The following FILIP1 variants were observed in gnomAD, a reference collection of about 807,000 sequenced individuals.
FILIP1 encodes the protein filamin-A-interacting protein 1.
A neutral mutation model predicts 102.1 loss-of-function variants in FILIP1; 61 were observed. That is an observed-to-expected ratio of 0.60 (90% CI 0.49 to 0.74). FILIP1 has a LOEUF of 0.74. FILIP1 is among the 30% of genes least tolerant of loss of function. FILIP1 has a pLI of 0.00. For synonymous variants in FILIP1, 491 were observed against 526.9 expected, an observed-to-expected ratio of 0.93 and a Z score of 0.93; for missense variants, 1,314 against 1,441.2, an observed-to-expected ratio of 0.91 and a Z score of 1.43.
chr6:75,328,672 A>G (rs1184242508), intron 4 of FILIP1, among the ~76,000 whole-genome samples: 1 of 152,146 alleles, frequency 6.6e-6, no homozygotes, highest in African/African-American at 2.4e-5. Context: ...TATTTTTAGT[A>G]GAGATGGGGT....
chr6:75,443,313 T>C (rs900875246), intron 1 of FILIP1, among the ~76,000 whole-genome samples: 1 of 152,204 alleles, frequency 6.6e-6, no homozygotes, highest in East Asian at 1.9e-4. Context: ...GCCAAAAGCA[T>C]TAGCATTACA....
chr6:75,300,868 G>A (rs1252797984), intron 6 of FILIP1, among the ~76,000 whole-genome samples: 1 of 152,122 alleles, frequency 6.6e-6, no homozygotes, highest in Non-Finnish European at 1.5e-5. Context: ...TACCTCCCCA[G>A]GATGCAGAAG....
intron 2 of FILIP1, among the ~76,000 whole-genome samples, chr6:75,389,399 G>A (rs776094816): frequency 3.3e-5 from 5 of 152,124 alleles, no homozygotes; most frequent in East Asian, 1.9e-4. Context: ...AATGAGTTAC[G>A]AAGGAGTCCC....
intron 1 of FILIP1, among the ~76,000 whole-genome samples, chr6:75,449,841 A>G (rs141109295): frequency 6.6e-6 from 1 of 152,246 alleles, no homozygotes; most frequent in Admixed American, 6.5e-5. Flanking sequence ...AATTGCACTC[A>G]GAGTAATATG....
Position 75,368,482 on chromosome 6 carries a change from G to C in FILIP1, c.277-5565C>G, listed in dbSNP as rs536681151. ...AATAACTGCATCCTCGGGAATTCAA[G>C]TCTGGAGAGATATAAACAAACAATT... On this transcript the variant is annotated intron_variant, in intron 2 of 5. Transcript: ENST00000237172. 2.0e-5 allele frequency among the ~76,000 whole-genome samples: 3 copies of C among 152,312 alleles called. No individual in the cohort carries two copies. In the South Asian group the frequency reaches 6.2e-4, roughly 32 times the overall value.
chr6:75,346,511 T>C (rs1447869912), intron 4 of FILIP1, among the ~76,000 whole-genome samples: 1 of 152,166 alleles, frequency 6.6e-6, no homozygotes, highest in Admixed American at 6.5e-5. Flanking sequence ...CTCCTTCATA[T>C]TTAATCCAGA....
In FILIP1 at chr6:75,314,137, T is replaced by C. The variant is rs1487534102; in HGVS notation, c.1695A>G (p.Val565=). 6.6e-7 allele frequency: 1 copy of C among 1,523,890 alleles called. No individual in the cohort carries two copies. Among genetic ancestry groups the C allele is most frequent in the East Asian group, 2.4e-5 (1 of 42,552 alleles). 94.4% of individuals were successfully genotyped at this position (1,523,890 alleles called of 1,614,324 possible). A position where few individuals can be genotyped will look rare whatever the true frequency, so the allele number is the denominator to read the frequency against. ...LKLKSEMEEK[V]YNLTRERDEL... is the part of the protein sequence containing the mutation. ...CATCTCTTTCTCTTGTCAAGTTGTA[T>C]ACTTTTTCCTCCATTTCAGATTTTA... Residue 565 remains valine, a synonymous_variant, in exon 5 of 6, where the codon GTA becomes GTG. Coordinates refer to ENST00000237172, the MANE Select transcript of FILIP1 (RefSeq NM_015687.5).
intron 4 of FILIP1, among the ~76,000 whole-genome samples, chr6:75,340,450 T>G (rs987877342): frequency 4.6e-5 from 7 of 152,194 alleles, no homozygotes; most frequent in African/African-American, 1.7e-4. Flanking sequence ...ATGATAATGG[T>G]CATTACTAAG....
intron 4 of FILIP1, among the ~76,000 whole-genome samples, chr6:75,323,131 C>T (rs141970452): frequency 4.6e-5 from 7 of 152,138 alleles, no homozygotes; most frequent in African/African-American, 1.7e-4. Context: ...ATTTAGAAAA[C>T]TCTTTATTAA....
intron 3 of FILIP1, among the ~76,000 whole-genome samples, chr6:75,355,052 T>C (rs975178600): frequency 6.6e-6 from 1 of 152,156 alleles, no homozygotes; most frequent in Admixed American, 6.5e-5. Flanking sequence ...CTCAGCACTT[T>C]GAGAGGCGGA....
chr6:75,303,468 C>A (rs558023975), downstream of FILIP1, among the ~76,000 whole-genome samples: 5 of 152,280 alleles, frequency 3.3e-5, no homozygotes, highest in East Asian at 9.7e-4. Context: ...AGCAGCAAAG[C>A]AGATTAGATA....
chr6:75,439,306 C>A lies in FILIP1; in HGVS notation c.-6-24328G>T, dbSNP rs952892079. Among the ~76,000 whole-genome samples, 30 of 151,730 alleles carry A rather than the reference C, an allele frequency of 2.0e-4. 1 individual carries two copies. The highest frequency in any genetic ancestry group is 4.4e-5 in the Non-Finnish European group (3 of 67,978). On this transcript the variant is annotated intron_variant, in intron 1 of 5. Transcript: ENST00000237172. ...ACTTGAACCCAGAAGGCAGAGGTTG[C>A]GGTGAGCCGAGATCACGCCACTGCA...
At chr6:75,319,292 A>C (rs1773556576) in intron 4 of FILIP1, 4 of 666,544 alleles carry the variant, frequency 6.0e-6, no homozygotes, top group Non-Finnish European at 1.1e-5. Flanking sequence ...TTCTTCCAGC[A>C]TCACCAATGG....
At chr6:75,308,995 G>C (rs1582314745) in intron 5 of FILIP1, 98 bp from the exon 6 acceptor site, 2 of 1,304,820 alleles carry the variant, frequency 1.5e-6, no homozygotes, top group Non-Finnish European at 2.1e-6. Context: ...TGCCACACAG[G>C]AACACCCACA....
At chr6:75,451,157 T>A (rs888267595) in intron 1 of FILIP1, among the ~76,000 whole-genome samples, 1 of 151,594 alleles carries the variant, frequency 6.6e-6, no homozygotes, top group Non-Finnish European at 1.5e-5. Flanking sequence ...ACTGCTTTGA[T>A]ATGTTGATCT....
chr6:75,443,048 T>C (rs887735675), intron 1 of FILIP1, among the ~76,000 whole-genome samples: 1 of 152,236 alleles, frequency 6.6e-6, no homozygotes, highest in African/African-American at 2.4e-5. Flanking sequence ...TTCTTAATTG[T>C]TTGGGGAAAT....
intron 4 of FILIP1, among the ~76,000 whole-genome samples, chr6:75,352,740 C>A (rs1480673460): frequency 6.6e-6 from 1 of 151,732 alleles, no homozygotes; most frequent in Non-Finnish European, 1.5e-5. Context: ...TAATAATTTG[C>A]CTTCCTGAAA....
At chr6:75,309,255 A>C (rs1182303381) in intron 5 of FILIP1, among the ~76,000 whole-genome samples, 1 of 151,650 alleles carries the variant, frequency 6.6e-6, no homozygotes, top group East Asian at 1.9e-4. Context: ...TTAACTCTAC[A>C]CTCCCTCCTT....
At chr6:75,387,203 C>CT (rs1189076832) in intron 2 of FILIP1, among the ~76,000 whole-genome samples, 2 of 152,098 alleles carry the variant, frequency 1.3e-5, no homozygotes, top group Non-Finnish European at 2.9e-5. Flanking sequence ...TGAACCCATT[C>CT]TTTTTTATGG....
Sources: gnomAD v4.1 joint callset for allele counts (sites outside exome capture counted in the v4.1 genomes callset) on GRCh38, gnomAD v4.1.1 for gene constraint, MANE v1.5 for transcripts, NCBI Gene and HGNC (gene_info 2026-07-23, HGNC 2026-07-21) for gene names.